The following KLHL4 variants were observed in gnomAD, a reference collection of about 807,000 sequenced individuals.
KLHL4 encodes the protein kelch like family member 4, also known as kelch-like protein 4.
KLHL4 carries 17 observed loss-of-function variants against 45.8 expected under a neutral mutation model. The observed-to-expected ratio is 0.37, with a 90% CI of 0.25 to 0.56. The LOEUF (loss-of-function observed/expected upper bound fraction) is 0.56. Ranked by LOEUF, KLHL4 falls within the 20% of genes least tolerant of loss-of-function variation. The pLI, the probability that KLHL4 is intolerant of heterozygous loss-of-function variation, is 0.79. For synonymous variants in KLHL4, 224 were observed against 189.9 expected, an observed-to-expected ratio of 1.18 and a Z score of -1.47; for missense variants, 544 against 544.9, an observed-to-expected ratio of 1.00 and a Z score of 0.02.
chrX:87,534,963 A>G (rs1480728051), intron 1 of KLHL4, among the ~76,000 whole-genome samples: 1 of 112,041 alleles, frequency 8.9e-6, no homozygotes. Context: ...AGAAAGTTTG[A>G]TGGCACTTTG....
intron 9 of KLHL4, among the ~76,000 whole-genome samples, chrX:87,636,433 C>T (rs1279091148): frequency 9.0e-6 from 1 of 111,623 alleles, no homozygotes; most frequent in Non-Finnish European, 1.9e-5. Flanking sequence ...TGAACTTTTG[C>T]TCTAAGAACT....
At chrX:87,623,247 G>GA (rs1382859007) in intron 5 of KLHL4, among the ~76,000 whole-genome samples, 1 of 99,323 alleles carries the variant, frequency 1.0e-5, no homozygotes, top group Non-Finnish European at 2.0e-5. Context: ...TGTTAATATT[G>GA]AAAAATAGAT....
Position 87,669,599 on chromosome X carries a change from A to AT in KLHL4, c.*3065_*3066insT. ...TACCTTGAGATCTTAGTCTAGGTAA[A>AT]GAAAAAAAAAAAAAGGTCATGAAAC... On this transcript the variant is annotated 3_prime_UTR_variant, in exon 11 of 11. Coordinates refer to ENST00000373119, the MANE Select transcript of KLHL4 (RefSeq NM_019117.5). 2.6e-5 allele frequency: 9 copies of AT among 352,775 alleles called. No individual in the cohort carries two copies. The highest frequency in any genetic ancestry group is 4.9e-5 in the East Asian group (1 of 20,472). The allele number at this position is 352,775 out of a possible 1,213,427, so 29.1% of individuals were successfully genotyped here. A position where few individuals can be genotyped will look rare whatever the true frequency, so the allele number is the denominator to read the frequency against.
intron 10 of KLHL4, among the ~76,000 whole-genome samples, chrX:87,665,776 C>A (rs1242959855): frequency 3.6e-5 from 4 of 111,403 alleles, no homozygotes; most frequent in Non-Finnish European, 7.5e-5. Flanking sequence ...CTACAGGGTA[C>A]AGCTATCTAT....
At position 87,622,311 on chromosome X, in the gene KLHL4, A is replaced by C; in HGVS notation, c.1025A>C (p.Glu342Ala). The C allele has an allele frequency of 1.7e-6, 2 of 1,207,091 alleles. No homozygotes were observed. Among genetic ancestry groups the C allele is most frequent in the Non-Finnish European group, 2.2e-6 (2 of 891,379 alleles). Residue 342 changes from glutamate to alanine, a missense_variant, in exon 5 of 11, where the codon GAA (glutamate) becomes GCA (alanine). Coordinates refer to ENST00000373119, the MANE Select transcript of KLHL4 (RefSeq NM_019117.5). ...AGTGATGACATTAATGTGCCTGATG[A>C]AGAGACCATTTTTCATGCTCTAATG... is the stretch of plus-strand genomic sequence containing the variant. ...LCSDDINVPD[E>A]ETIFHALMQW...
At chrX:87,632,763 G>A (rs1923139111) in intron 7 of KLHL4, among the ~76,000 whole-genome samples, 1 of 111,549 alleles carries the variant, frequency 9.0e-6, no homozygotes, top group Admixed American at 9.6e-5. Flanking sequence ...TGACTATTGC[G>A]AGGGATTGTG....
At chrX:87,616,791 G>A (rs940130182) in intron 3 of KLHL4, among the ~76,000 whole-genome samples, 1 of 111,619 alleles carries the variant, frequency 9.0e-6, no homozygotes, top group African/African-American at 3.2e-5. Context: ...GGTCTCATGA[G>A]ATATGGGCAG....
chrX:87,554,322 T>G (rs1931913807), intron 1 of KLHL4, among the ~76,000 whole-genome samples: 1 of 92,893 alleles, frequency 1.1e-5, no homozygotes, highest in African/African-American at 4.1e-5. Context: ...ATGGCCATTT[T>G]CACGATATTG....
intron 3 of KLHL4, 74 bp from the exon 4 acceptor site, chrX:87,617,858 A>G: frequency 2.2e-6 from 2 of 911,972 alleles, no homozygotes; most frequent in South Asian, 2.8e-5. Flanking sequence ...AAATAAAAAA[A>G]AAATGTCAAC....
At chrX:87,642,895 T>A (rs767326741) in intron 9 of KLHL4, among the ~76,000 whole-genome samples, 2 of 111,929 alleles carry the variant, frequency 1.8e-5, no homozygotes, top group African/African-American at 3.2e-5. Context: ...CCAAGAAGTC[T>A]GGCGTTATGT....
intron 1 of KLHL4, among the ~76,000 whole-genome samples, chrX:87,602,815 C>T (rs748537077): frequency 9.0e-6 from 1 of 111,709 alleles, no homozygotes; most frequent in African/African-American, 3.2e-5. Flanking sequence ...AACTTGAATC[C>T]TGTCTGCTGT....
At chrX:87,557,277 G>A (rs1931998900) in intron 1 of KLHL4, among the ~76,000 whole-genome samples, 2 of 111,628 alleles carry the variant, frequency 1.8e-5, no homozygotes, top group South Asian at 3.7e-4. Context: ...AATAGAAATT[G>A]TTTTGCTGCT....
At chrX:87,650,992 C>A (rs768355692) in intron 9 of KLHL4, among the ~76,000 whole-genome samples, 6 of 112,047 alleles carry the variant, frequency 5.4e-5, no homozygotes, top group Non-Finnish European at 1.1e-4. Flanking sequence ...CATGTATTCA[C>A]AGATGTGCTA....
intron 1 of KLHL4, among the ~76,000 whole-genome samples, chrX:87,529,871 C>A (rs1168274282): frequency 6.3e-5 from 7 of 111,643 alleles, no homozygotes; most frequent in Admixed American, 9.6e-5. Context: ...ACATTTAGGT[C>A]AATATAATTT....
At chrX:87,587,453 C>T (rs1171019075) in intron 1 of KLHL4, among the ~76,000 whole-genome samples, 2 of 111,271 alleles carry the variant, frequency 1.8e-5, no homozygotes, top group African/African-American at 6.5e-5. Flanking sequence ...TCATCATGAT[C>T]AAGAGGGATT....
chrX:87,620,594 A>G (rs1922717481), intron 4 of KLHL4, among the ~76,000 whole-genome samples: 2 of 112,149 alleles, frequency 1.8e-5, no homozygotes, highest in South Asian at 3.6e-4. Flanking sequence ...CAGAGTTTAT[A>G]TACAATATCG....
At position 87,666,491 on chromosome X, in the gene KLHL4, T is replaced by C; in HGVS notation, c.2114T>C (p.Ile705Thr). 1.7e-6 allele frequency: 2 copies of C among 1,189,384 alleles called. No individual in the cohort carries two copies. The highest frequency in any genetic ancestry group is 2.3e-6 in the Non-Finnish European group (2 of 878,102). ...GTGTTTTAGGAAGTTCCTGTTAACA[T>C]TGGAAGAGCTGGTGCATGTGTTGTA... ...NEWKEEVPVN[I>T]GRAGACVVVV... The change falls in exon 11 of 11, where the codon ATT becomes ACT. Residue 705 changes from isoleucine (I) to threonine (T), a missense_variant. Transcript: ENST00000373119.
At chrX:87,534,268 A>T (rs1931382555) in intron 1 of KLHL4, among the ~76,000 whole-genome samples, 2 of 110,952 alleles carry the variant, frequency 1.8e-5, no homozygotes, top group South Asian at 7.5e-4. Context: ...TTAAAAATGT[A>T]GTTATTCAGT....
chrX:87,570,357 T>C (rs1266083975), intron 1 of KLHL4, among the ~76,000 whole-genome samples: 1 of 110,849 alleles, frequency 9.0e-6, no homozygotes, highest in Admixed American at 9.6e-5. Flanking sequence ...CTGTTATAAG[T>C]AGGGTAGCTC....
Sources: allele counts gnomAD v4.1 joint callset (sites outside exome capture counted in the v4.1 genomes callset), GRCh38; gene constraint gnomAD v4.1.1; transcripts MANE v1.5; gene names NCBI Gene and HGNC (gene_info 2026-07-23, HGNC 2026-07-21).